Variants in LGALS9 observed in about 807,000 individuals in gnomAD.
LGALS9 encodes the protein galectin 9.
In LGALS9, 26 loss-of-function variants were observed where a neutral mutation model predicts 35.9. The ratio of observed to expected loss-of-function variants is 0.72; its 90% CI spans 0.53 to 1.01. The LOEUF is 1.01. LGALS9 is among the 50% of genes least tolerant of loss of function. The pLI is 0.00. For synonymous variants in LGALS9, 149 were observed against 172.2 expected (o/e 0.87, Z 1.06); for missense variants, 347 against 445.8 (o/e 0.78, Z 1.99).
At chr17:27,643,259 C>T (rs1421069153) in intron 4 of LGALS9, among the ~76,000 whole-genome samples, 1 of 152,126 alleles carries the variant, frequency 6.6e-6, no homozygotes, top group African/African-American at 2.4e-5. Flanking sequence ...GGGCTTCTCG[C>T]CCTTTGGTCC....
intron 1 of LGALS9, among the ~76,000 whole-genome samples, chr17:27,636,637 T>A (rs1325026952): frequency 1.3e-5 from 2 of 150,488 alleles, no homozygotes; most frequent in Non-Finnish European, 3.0e-5. Context: ...ACCTAGCTAT[T>A]TTTTTTTTAT....
At chr17:27,639,580 T>C (rs1269117780) in intron 2 of LGALS9, among the ~76,000 whole-genome samples, 1 of 152,108 alleles carries the variant, frequency 6.6e-6, no homozygotes. Context: ...TTAATTAATT[T>C]TTTTCTTTTG....
At chr17:27,631,559 T>C (rs1477023905) in intron 1 of LGALS9, among the ~76,000 whole-genome samples, 1 of 152,180 alleles carries the variant, frequency 6.6e-6, no homozygotes, top group Non-Finnish European at 1.5e-5. Context: ...TCCTGTCCTG[T>C]CCTGTGTGCT....
At chr17:27,636,949 G>C (rs1179785355) in intron 1 of LGALS9, among the ~76,000 whole-genome samples, 4 of 151,986 alleles carry the variant, frequency 2.6e-5, no homozygotes, top group Admixed American at 6.6e-5. Flanking sequence ...CAGATGAGGG[G>C]TGTGACATCT....
At position 27,649,267 on chromosome 17, in the gene LGALS9, A is replaced by C; in HGVS notation, c.*285A>C. 2 of 526,070 alleles carry C rather than the reference A, an allele frequency of 3.8e-6. No homozygotes were observed. The highest frequency in any genetic ancestry group is 4.1e-5 in the South Asian group (2 of 48,934). The allele number at this position is 526,070 out of a possible 1,614,324, so 32.6% of individuals were successfully genotyped here. ...AGCCAGGGAGAGGGGAGGAGTGGGC[A>C]GTGAAGATGAAGCCCCATGCTCAGT... On this transcript the variant is annotated 3_prime_UTR_variant, in exon 11 of 11. Coordinates refer to ENST00000395473, the MANE Select transcript of LGALS9 (RefSeq NM_009587.3).
chr17:27,643,697 C>A (rs4794974), intron 5 of LGALS9, 77 bp downstream of exon 5: 366,112 of 1,497,050 alleles, frequency 0.24, 45,403 homozygotes, highest in Admixed American at 0.3. Context: ...TGGCCCCAGC[C>A]AGCAGGCCAC....
chr17:27,646,448 C>T lies in LGALS9; in HGVS notation c.628-99C>T, dbSNP rs192299377. ...AGGGCCAAAGGCTCACGAGGTCAGC[C>T]TCACAGTGGAGTCCTCTCTAGAACG... On this transcript the variant is annotated intron_variant, in intron 7 of 10. Transcript: ENST00000395473. 2.4e-3 allele frequency: 3,802 copies of T among 1,579,050 alleles called. 16 individuals carry two copies. Among genetic ancestry groups the T allele is most frequent in the South Asian group, 8.9e-3 (799 of 90,282 alleles).
intron 4 of LGALS9, 149 bp downstream of exon 4, chr17:27,642,497 G>T: frequency 8.7e-7 from 1 of 1,154,962 alleles, no homozygotes; most frequent in Non-Finnish European, 1.2e-6. Flanking sequence ...GTACCTGCCC[G>T]CCCCTTCTCC....
chr17:27,646,605 G>A lies in LGALS9; in HGVS notation c.669+17G>A, dbSNP rs748025870. 5.0e-6 allele frequency: 8 copies of A among 1,612,950 alleles called. No individual in the cohort carries two copies. In the Admixed American group the frequency reaches 1.3e-4, roughly 27 times the overall value. On this transcript the variant is annotated intron_variant, in intron 8 of 10. Coordinates refer to ENST00000395473, the MANE Select transcript of LGALS9 (RefSeq NM_009587.3). ...CCCGCCTATGTAAGTGGTTTCTCAG[G>A]GAGGGCAGAGGTTCTGTTTGTGGTG... is the stretch of plus-strand genomic sequence containing the variant.
At chr17:27,642,555 C>G in intron 4 of LGALS9, 1 of 1,123,372 alleles carries the variant, frequency 8.9e-7, no homozygotes, top group East Asian at 2.7e-5. Context: ...GTCCGGAACA[C>G]CTGCCTTGGT....
At chr17:27,648,491 C>T (rs546021889) in intron 10 of LGALS9, among the ~76,000 whole-genome samples, 8 of 152,194 alleles carry the variant, frequency 5.3e-5, no homozygotes, top group East Asian at 3.9e-4. Flanking sequence ...CTGACTGCTT[C>T]GTGGAGAAGG....
intron 1 of LGALS9, among the ~76,000 whole-genome samples, chr17:27,632,709 A>C (rs1439275227): frequency 6.6e-6 from 1 of 152,248 alleles, no homozygotes; most frequent in Non-Finnish European, 1.5e-5. Context: ...CCTTGGATTC[A>C]GAAGGAAAAT....
intron 7 of LGALS9, 49 bp downstream of exon 7, chr17:27,645,960 CA>C (rs1904909724): frequency 6.2e-7 from 1 of 1,612,598 alleles, no homozygotes; most frequent in Admixed American, 1.7e-5. Context: ...TGTCCTCCTT[CA>C]CCAAAAACTA....
intron 1 of LGALS9, among the ~76,000 whole-genome samples, chr17:27,631,627 G>A (rs1422345687): frequency 6.6e-6 from 1 of 152,148 alleles, no homozygotes; most frequent in Admixed American, 6.5e-5. Flanking sequence ...GCACGCTTCT[G>A]GGACAGTAAG....
At chr17:27,633,302 A>G (rs1307220485) in intron 1 of LGALS9, among the ~76,000 whole-genome samples, 4 of 94,984 alleles carry the variant, frequency 4.2e-5, no homozygotes, top group Admixed American at 1.3e-4. Flanking sequence ...ATGGACACAC[A>G]TGGATCCAAA....
chr17:27,637,150 G>C (rs145308118), intron 1 of LGALS9, among the ~76,000 whole-genome samples: 1,906 of 151,532 alleles, frequency 0.013, 42 homozygotes, highest in African/African-American at 0.042. Context: ...GTTATAGAAC[G>C]ACATTGGATA....
chr17:27,646,944 T>G, intron 8 of LGALS9, 86 bp from the exon 9 acceptor site: 1 of 1,581,326 alleles, frequency 6.3e-7, no homozygotes, highest in Non-Finnish European at 8.7e-7. Flanking sequence ...CATGGGCTTC[T>G]TCTCAGCTGA....
intron 1 of LGALS9, among the ~76,000 whole-genome samples, chr17:27,634,568 A>G (rs1196314110): frequency 6.6e-6 from 1 of 152,114 alleles, no homozygotes; most frequent in Non-Finnish European, 1.5e-5. Context: ...AACAAAAAAC[A>G]AAAAACGAAA....
chr17:27,633,164 C>T (rs555646025), intron 1 of LGALS9, among the ~76,000 whole-genome samples: 2 of 152,358 alleles, frequency 1.3e-5, no homozygotes, highest in African/African-American at 4.8e-5. Flanking sequence ...CAAATCCCAG[C>T]TCTGTTGCTG....
Sources: allele counts gnomAD v4.1 joint callset (sites outside exome capture counted in the v4.1 genomes callset), GRCh38; gene constraint gnomAD v4.1.1; transcripts MANE v1.5; gene names NCBI Gene and HGNC (gene_info 2026-07-23, HGNC 2026-07-21).